Variants in RALGAPA2 observed in about 807,000 individuals in gnomAD.
RALGAPA2 encodes ral GTPase-activating protein subunit alpha-2.
A neutral mutation model predicts 230.4 loss-of-function variants in RALGAPA2; 139 were observed. The ratio of observed to expected loss-of-function variants is 0.60; its 90% CI spans 0.53 to 0.69. The LOEUF (loss-of-function observed/expected upper bound fraction) is 0.69. Among genes scored for constraint, RALGAPA2 ranks in the 30% least tolerant of loss-of-function variants. The pLI, the probability that RALGAPA2 is intolerant of heterozygous loss-of-function variation, is 0.00. For missense variants in RALGAPA2, 2,163 were observed against 2,276.0 expected, an observed-to-expected ratio of 0.95 and a Z score of 1.01; for synonymous variants, 847 against 837.8, an observed-to-expected ratio of 1.01 and a Z score of -0.19.
intron 3 of RALGAPA2, among the ~76,000 whole-genome samples, chr20:20,667,771 T>C (rs528498998): frequency 2.6e-5 from 4 of 152,082 alleles, no homozygotes; most frequent in African/African-American, 7.2e-5. Context: ...TGGAGAAAGG[T>C]TGAAGGTGTG....
At chr20:20,552,133 AAC>A (rs1454492286) in intron 23 of RALGAPA2, among the ~76,000 whole-genome samples, 1 of 152,210 alleles carries the variant, frequency 6.6e-6, no homozygotes, top group Non-Finnish European at 1.5e-5. Context: ...CCATCCTCCA[AAC>A]CATATTAGAA....
In RALGAPA2 at chr20:20,591,321, G is replaced by A. The variant is rs758603429; in HGVS notation, c.2204-7C>T. 5.0e-6 allele frequency: 8 copies of A among 1,609,232 alleles called. No homozygotes were observed. The African/African-American group carries it at 6.7e-5, about 13-fold the overall frequency. ...TGTTGACACTCCTCCACTTCTGTGA[G>A]CATTAACAAAACATGCAAAGTTACA... On this transcript the variant is annotated splice_region_variant and splice_polypyrimidine_tract_variant and intron_variant, in intron 16 of 39. Transcript: ENST00000202677.
chr20:20,678,734 A>C (rs893923964), intron 2 of RALGAPA2, among the ~76,000 whole-genome samples: 2 of 152,078 alleles, frequency 1.3e-5, no homozygotes, highest in African/African-American at 2.4e-5. Flanking sequence ...CTTCACATCA[A>C]ACTTTCTGAA....
chr20:20,646,675 G>A (rs1241448598), intron 4 of RALGAPA2, among the ~76,000 whole-genome samples: 1 of 152,110 alleles, frequency 6.6e-6, no homozygotes, highest in Non-Finnish European at 1.5e-5. Context: ...CAACTAGTGA[G>A]AGAAGAGTGT....
intron 38 of RALGAPA2, among the ~76,000 whole-genome samples, chr20:20,399,139 G>A (rs1306054382): frequency 6.6e-6 from 1 of 152,170 alleles, no homozygotes. Flanking sequence ...AAGGTCAGGA[G>A]TTTGAGACCA....
At chr20:20,646,201 T>A (rs1312538779) in intron 4 of RALGAPA2, among the ~76,000 whole-genome samples, 1 of 152,120 alleles carries the variant, frequency 6.6e-6, no homozygotes, top group Non-Finnish European at 1.5e-5. Flanking sequence ...ACTACAGGCA[T>A]GCGCCACCAT....
intron 4 of RALGAPA2, among the ~76,000 whole-genome samples, chr20:20,648,628 T>A (rs1322372450): frequency 6.6e-6 from 1 of 151,628 alleles, no homozygotes; most frequent in Non-Finnish European, 1.5e-5. Flanking sequence ...AAGACAGAGA[T>A]CAGTGTCTGA....
chr20:20,696,973 C>A (rs550158570), intron 1 of RALGAPA2, among the ~76,000 whole-genome samples: 1 of 152,134 alleles, frequency 6.6e-6, no homozygotes, highest in Non-Finnish European at 1.5e-5. Flanking sequence ...TGGCCTCAAG[C>A]AATCCACCTG....
rs1451464833 is a variant in RALGAPA2, at chr20:20,513,243, G to A, written c.4126C>T (p.Arg1376Ter). 1.3e-6 allele frequency: 2 copies of A among 1,504,170 alleles called. No individual in the cohort carries two copies. The highest frequency in any genetic ancestry group is 4.6e-5 in the East Asian group (2 of 43,526). 93.2% of individuals were successfully genotyped at this position (1,504,170 alleles called of 1,614,324 possible). A position where few individuals can be genotyped will look rare whatever the true frequency, so the allele number is the denominator to read the frequency against. The change falls in exon 32 of 40, where the codon CGA becomes TGA. Residue 1376 changes from arginine to a stop codon, truncating the protein, a stop_gained. Transcript: ENST00000202677. LOFTEE classifies it high-confidence loss of function. ...TTCACCAGGTGGGCCATCACCATTC[G>A]AGCAGTCAAAGGGATCAACTCCAAA... is the stretch of plus-strand genomic sequence containing the variant. ...RSLELIPLTARMVMAHLVNHL... is the reference protein window; with the variant it reads ...RSLELIPLTA
chr20:20,520,404 A>G (rs916683904), intron 31 of RALGAPA2, among the ~76,000 whole-genome samples: 10 of 152,166 alleles, frequency 6.6e-5, no homozygotes. Flanking sequence ...GACAATCCCT[A>G]TATGCTCTGA....
intron 37 of RALGAPA2, among the ~76,000 whole-genome samples, chr20:20,413,776 T>A (rs2060111373): frequency 2.0e-5 from 3 of 152,220 alleles, no homozygotes; most frequent in African/African-American, 7.2e-5. Flanking sequence ...TGATTTATGA[T>A]CTTTTATATA....
chr20:20,481,980 T>C (rs1253169576), intron 36 of RALGAPA2, among the ~76,000 whole-genome samples: 5 of 152,164 alleles, frequency 3.3e-5, no homozygotes, highest in Admixed American at 6.5e-5. Context: ...TTTTGAGATA[T>C]ATGTAAAAAC....
In RALGAPA2 at chr20:20,391,920, G is replaced by T. The variant is rs1306804797; in HGVS notation, c.*1369C>A. On this transcript the variant is annotated 3_prime_UTR_variant, in exon 40 of 40. Transcript: ENST00000202677. ...ACTGCAGGGCGTTGCTCTGTACCTG[G>T]CCGCTGTGAGAACAAAGCCTGCGCA... 6.6e-6 allele frequency: 1 copy of T among 152,378 alleles called. No individual in the cohort carries two copies. Among genetic ancestry groups the T allele is most frequent in the African/African-American group, 2.4e-5 (1 of 41,472 alleles). 9.4% of individuals were successfully genotyped at this position (152,378 alleles called of 1,614,324 possible). A position where few individuals can be genotyped will look rare whatever the true frequency, so the allele number is the denominator to read the frequency against.
chr20:20,610,740 C>T (rs2065952483), intron 14 of RALGAPA2, among the ~76,000 whole-genome samples: 1 of 152,156 alleles, frequency 6.6e-6, no homozygotes, highest in Non-Finnish European at 1.5e-5. Flanking sequence ...CCTCCATCTA[C>T]TCCAGGTGGG....
intron 37 of RALGAPA2, among the ~76,000 whole-genome samples, chr20:20,463,395 C>CCG (rs1169211805): frequency 6.6e-6 from 1 of 152,064 alleles, no homozygotes; most frequent in Non-Finnish European, 1.5e-5. Flanking sequence ...GGCTTTGTAC[C>CCG]CGCTTTTGAT....
rs2059620237 is a variant in RALGAPA2, at chr20:20,392,446, T to C, written c.*843A>G. On this transcript the variant is annotated 3_prime_UTR_variant, in exon 40 of 40. Transcript: ENST00000202677. The stretch of plus-strand genomic sequence containing the variant: ...AGCGCCTGAAGCCGGCATGCGCCTT[T>C]TGTGTGGATGTGGTCTGTGTTGTTT... 1 of 152,056 alleles carries C rather than the reference T, an allele frequency of 6.6e-6. No individual in the cohort carries two copies. Among genetic ancestry groups the C allele is most frequent in the Non-Finnish European group, 1.5e-5 (1 of 68,064 alleles). The allele number at this position is 152,056 out of a possible 1,614,324, so 9.4% of individuals were successfully genotyped here.
chr20:20,558,676 GA>G (rs1009439813), intron 23 of RALGAPA2, among the ~76,000 whole-genome samples: 1 of 150,998 alleles, frequency 6.6e-6, no homozygotes, highest in African/African-American at 2.4e-5. Flanking sequence ...TCTTAAGGGG[GA>G]AAAAAAAGAA....
At chr20:20,422,445 C>T (rs557720033) in intron 37 of RALGAPA2, among the ~76,000 whole-genome samples, 3,566 of 152,148 alleles carry the variant, frequency 0.023, 74 homozygotes, top group Non-Finnish European at 0.031. Flanking sequence ...ATGGCACGTG[C>T]CTGTGGTTCC....
intron 37 of RALGAPA2, among the ~76,000 whole-genome samples, chr20:20,444,921 GCTGC>G (rs543148752): frequency 1.8e-3 from 270 of 152,284 alleles, no homozygotes; most frequent in Middle Eastern, 3.4e-3. Flanking sequence ...CGCCGCATGC[GCTGC>G]CTATTAGTCA....
Sources: gnomAD v4.1 joint callset for allele counts (sites outside exome capture counted in the v4.1 genomes callset) on GRCh38, gnomAD v4.1.1 for gene constraint, MANE v1.5 for transcripts, NCBI Gene and HGNC (gene_info 2026-07-23, HGNC 2026-07-21) for gene names.